ZNF638: variants seen among roughly 807,000 people sequenced by gnomAD.
ZNF638 encodes the protein CTCL tumor antigen se33-1.
In ZNF638, 46 loss-of-function variants were observed where a neutral mutation model predicts 195.6. The ratio of observed to expected loss-of-function variants is 0.24; its 90% confidence interval spans 0.19 to 0.30. ZNF638 has a LOEUF of 0.30. Ranked by LOEUF, ZNF638 falls within the 10% of genes least tolerant of loss-of-function variation. The probability of loss-of-function intolerance (pLI) is 1.00; values close to 1 mark genes in which losing one functional copy is unlikely to be tolerated. For synonymous variants in ZNF638, 845 were observed against 772.0 expected (o/e 1.09, Z -1.57); for missense variants, 2,440 against 2,325.3 (o/e 1.05, Z -1.01).
intron 21 of ZNF638, among the ~76,000 whole-genome samples, chr2:71,421,304 A>G (rs1470196750): frequency 6.6e-6 from 1 of 152,116 alleles, no homozygotes; most frequent in Admixed American, 6.5e-5. Context: ...TGTGAATTGT[A>G]AAGATTTGAA....
At chr2:71,359,676 A>G (rs936896279) in intron 3 of ZNF638, among the ~76,000 whole-genome samples, 1 of 152,250 alleles carries the variant, frequency 6.6e-6, no homozygotes. Context: ...TAATTGCTTC[A>G]TAACTTTCTC....
rs141845828 is a variant in ZNF638 at position 71,349,738 on chromosome 2, A to T, written c.784A>T (p.Met262Leu). The T allele has an allele frequency of 1.9e-6, 3 of 1,614,204 alleles. No individual in the cohort carries two copies. In the South Asian group the frequency reaches 3.3e-5, roughly 18 times the overall value. The change falls in exon 2 of 28, where the codon ATG (methionine) becomes TTG (leucine). Residue 262 changes from methionine (M) to leucine (L), a missense_variant. By Grantham distance (15) the Met-to-Leu change is conservative. Coordinates refer to ENST00000264447, the MANE Select transcript of ZNF638 (RefSeq NM_014497.5). ...VPNPNVICNS[M>L]FPVEDVFRQM... Reference sequence around the variant, plus strand: ...CAATCCAAATGTGATATGTAATTCTATGTTTCCTGTTGAAGACGTATTTCG... The same window carrying T: ...CAATCCAAATGTGATATGTAATTCTTTGTTTCCTGTTGAAGACGTATTTCG...
At chr2:71,421,688 A>G (rs1037263715) in intron 21 of ZNF638, among the ~76,000 whole-genome samples, 1 of 152,200 alleles carries the variant, frequency 6.6e-6, no homozygotes, top group Non-Finnish European at 1.5e-5. Context: ...AAAAAATAGG[A>G]GAAGAAAGTC....
intron 10 of ZNF638, 143 bp downstream of exon 10, chr2:71,380,708 C>T (rs2079521041): frequency 1.8e-6 from 1 of 553,588 alleles, no homozygotes; most frequent in South Asian, 3.0e-5. Context: ...CTGTATTAAG[C>T]AGGCGGTTAA....
intron 10 of ZNF638, among the ~76,000 whole-genome samples, chr2:71,393,815 A>G (rs901511703): frequency 5.9e-5 from 9 of 151,908 alleles, no homozygotes; most frequent in Non-Finnish European, 1.2e-4. Flanking sequence ...GCTAGGAGGG[A>G]TTGACTTATC....
intron 3 of ZNF638, among the ~76,000 whole-genome samples, chr2:71,360,920 A>G (rs994475790): frequency 2.0e-5 from 3 of 152,164 alleles, no homozygotes; most frequent in African/African-American, 7.2e-5. Context: ...TACATGCTTT[A>G]TCTTTCTGCT....
At chr2:71,363,931 C>A in intron 4 of ZNF638, 23 bp from the exon 5 acceptor site, 1 of 1,585,174 alleles carries the variant, frequency 6.3e-7, no homozygotes, top group Non-Finnish European at 8.6e-7. Context: ...TGATCACTTT[C>A]TTTTCCGCCC....
chr2:71,417,618 A>C (rs538748148), intron 20 of ZNF638, among the ~76,000 whole-genome samples: 43 of 150,762 alleles, frequency 2.9e-4, no homozygotes, highest in African/African-American at 1.0e-3. Flanking sequence ...TAAGTTGGCC[A>C]ATATAGGTAT....
At chr2:71,419,974 C>CCCCTTTTTTTT (rs1189202093) in intron 21 of ZNF638, among the ~76,000 whole-genome samples, 4 of 27,022 alleles carry the variant, frequency 1.5e-4, no homozygotes, top group Non-Finnish European at 1.7e-4. Context: ...CCCCCCCCGC[C>CCCCTTTTTTTT]TTTTTTTTTT....
chr2:71,371,043 C>A (rs1049867473), intron 8 of ZNF638, among the ~76,000 whole-genome samples: 1 of 152,026 alleles, frequency 6.6e-6, no homozygotes, highest in Non-Finnish European at 1.5e-5. Flanking sequence ...TGTTTTAGAG[C>A]CCACAAATTG....
intron 23 of ZNF638, 87 bp downstream of exon 23, chr2:71,424,802 A>G: frequency 1.8e-6 from 2 of 1,090,512 alleles, no homozygotes; most frequent in South Asian, 1.5e-5. Context: ...TGCCTTAACA[A>G]TGTTAGTGAC....
In ZNF638 at chr2:71,406,199, A is replaced by T. The variant is rs374018246; in HGVS notation, c.3072A>T (p.Val1024=). 3.7e-6 allele frequency: 6 copies of T among 1,613,672 alleles called. No individual in the cohort carries two copies. Among genetic ancestry groups the T allele is most frequent in the Non-Finnish European group, 3.4e-6 (4 of 1,179,660 alleles). ...TACCGGAAGATGGACTTCAGTGTGT[A>T]CTTTGTGTTGGACTTCAGTTTGGAA... ...DNLPEDGLQC[V]LCVGLQFGKV... The change falls in exon 19 of 28, where the codon GTA becomes GTT. Residue 1024 remains valine, a synonymous_variant. Transcript: ENST00000264447.
rs770478095 is a variant in ZNF638, at chr2:71,355,696, A to C, written c.1318-23A>C. The stretch of plus-strand genomic sequence containing the variant: ...CAACATGAGGAATATTCTAATTTCA[A>C]CACTTTTCTCCTTTTACAATAGGAT... On this transcript the variant is annotated intron_variant, in intron 2 of 27. Transcript: ENST00000264447. The C allele has an allele frequency of 2.7e-6, 4 of 1,508,762 alleles. No homozygotes were observed. In the South Asian group the frequency reaches 4.9e-5, roughly 19 times the overall value. 93.5% of individuals were successfully genotyped at this position (1,508,762 alleles called of 1,614,324 possible).
chr2:71,399,793 G>A, intron 13 of ZNF638, 148 bp downstream of exon 13: 1 of 669,194 alleles, frequency 1.5e-6, no homozygotes. Flanking sequence ...CAGATATTAA[G>A]CCTAGGACCC....
In ZNF638 at chr2:71,399,665, A is replaced by C. The variant is rs772014788; in HGVS notation, c.2587+20A>C. 40 of 1,574,358 alleles carry C rather than the reference A, an allele frequency of 2.5e-5. No homozygotes were observed. The South Asian group carries it at 4.4e-4, about 17-fold the overall frequency. ...TACCAGGTAAGCTTGAAATGTGGTC[A>C]TTCAGTGCTTTGTTTTCTTTTCTTT... On this transcript the variant is annotated intron_variant, in intron 13 of 27. Transcript: ENST00000264447.
intron 21 of ZNF638, among the ~76,000 whole-genome samples, chr2:71,420,649 T>C (rs896220055): frequency 6.6e-6 from 1 of 152,230 alleles, no homozygotes; most frequent in Non-Finnish European, 1.5e-5. Context: ...TATCTGTATC[T>C]CAAATGCCTT....
chr2:71,396,272 G>T (rs2079892306), intron 11 of ZNF638, 81 bp downstream of exon 11: 2 of 1,112,038 alleles, frequency 1.8e-6, no homozygotes, highest in African/African-American at 1.6e-5. Flanking sequence ...AGTAGTCTTG[G>T]ATTTCACATG....
At chr2:71,434,700 A>G (rs368681991) in intron 27 of ZNF638, 42 bp from the exon 28 acceptor site, 97 of 1,556,934 alleles carry the variant, frequency 6.2e-5, no homozygotes, top group Non-Finnish European at 6.1e-5. Flanking sequence ...ATAGCAAAAT[A>G]ACGTCTAATA....
chr2:71,388,716 T>A (rs2079702193), intron 10 of ZNF638: 1 of 1,191,696 alleles, frequency 8.4e-7, no homozygotes, highest in Non-Finnish European at 1.3e-6. Context: ...GAAGAGACTG[T>A]GCAGTCAGTA....
Sources: allele counts gnomAD v4.1 joint callset (sites outside exome capture counted in the v4.1 genomes callset), GRCh38; gene constraint gnomAD v4.1.1; transcripts MANE v1.5; gene names NCBI Gene and HGNC (gene_info 2026-07-23, HGNC 2026-07-21).